Variants in PIGK observed in about 807,000 individuals in gnomAD.
PIGK encodes the protein phosphatidylinositol glycan anchor biosynthesis class K, also known as GPI-anchor transamidase.
A neutral mutation model predicts 50.6 loss-of-function variants in PIGK; 42 were observed. The observed-to-expected ratio is 0.83, with a 90% CI of 0.65 to 1.07. The LOEUF (loss-of-function observed/expected upper bound fraction) is 1.07, where lower values mean the gene tolerates loss of function less well. PIGK is among the 50% of genes least tolerant of loss of function. The pLI is 0.00. For missense variants in PIGK, 448 were observed against 488.7 expected (o/e 0.92, Z 0.78); for synonymous variants, 151 against 156.0 (o/e 0.97, Z 0.24).
intron 3 of PIGK, among the ~76,000 whole-genome samples, chr1:77,200,986 C>A (rs1030148364): frequency 6.6e-6 from 1 of 152,100 alleles, no homozygotes; most frequent in Non-Finnish European, 1.5e-5. Flanking sequence ...TGTTATTGAA[C>A]AGAAAGCCAC....
chr1:77,129,587 T>C, intron 9 of PIGK: 1 of 1,520,728 alleles, frequency 6.6e-7, no homozygotes, highest in Non-Finnish European at 9.0e-7. Flanking sequence ...AGATTGTTCC[T>C]AAACCAGAAG....
intron 9 of PIGK, among the ~76,000 whole-genome samples, chr1:77,135,991 G>A (rs1276753731): frequency 6.6e-5 from 10 of 151,910 alleles, no homozygotes; most frequent in African/African-American, 2.4e-4. Flanking sequence ...TTATTACAGC[G>A]TTCCTATTTA....
intron 3 of PIGK, among the ~76,000 whole-genome samples, chr1:77,177,103 C>G (rs1316702218): frequency 6.6e-6 from 1 of 152,170 alleles, no homozygotes; most frequent in Non-Finnish European, 1.5e-5. Context: ...TGCATGTTTT[C>G]TGGTTGTATA....
chr1:77,162,289 A>C (rs1655146618), intron 6 of PIGK, among the ~76,000 whole-genome samples: 1 of 152,206 alleles, frequency 6.6e-6, no homozygotes, highest in Non-Finnish European at 1.5e-5. Context: ...AAAGAAAAGC[A>C]GATCAGAGAA....
At chr1:77,162,414 C>A in intron 6 of PIGK, among the ~76,000 whole-genome samples, 1 of 152,112 alleles carries the variant, frequency 6.6e-6, no homozygotes, top group Non-Finnish European at 1.5e-5. Flanking sequence ...TGCTTGGGAA[C>A]AGATCTGTGT....
intron 3 of PIGK, among the ~76,000 whole-genome samples, chr1:77,185,108 A>T (rs915262745): frequency 6.6e-6 from 1 of 152,322 alleles, no homozygotes. Flanking sequence ...ATCTCCTGGT[A>T]CCTGGTATGT....
chr1:77,108,585 C>T (rs1467937632), intron 10 of PIGK, among the ~76,000 whole-genome samples: 1 of 151,990 alleles, frequency 6.6e-6, no homozygotes, highest in Admixed American at 6.6e-5. Context: ...TTGCTCTTCT[C>T]GAGGAGTATC....
chr1:77,198,899 A>C (rs1656093187), intron 3 of PIGK, among the ~76,000 whole-genome samples: 1 of 152,102 alleles, frequency 6.6e-6, no homozygotes, highest in South Asian at 2.1e-4. Flanking sequence ...TGGAAGAACA[A>C]GACCTAAGAA....
chr1:77,116,597 C>CGT (rs1451998373), intron 10 of PIGK, among the ~76,000 whole-genome samples: 518 of 49,348 alleles, frequency 0.01, 4 homozygotes, highest in African/African-American at 0.059. Flanking sequence ...TGTGTGTGTG[C>CGT]GCGTGTGTGT....
Position 77,217,640 on chromosome 1 carries a change from AAAC to A in PIGK, c.93+1667_93+1669del, listed in dbSNP as rs573485037. Among the ~76,000 whole-genome samples, 287 of 152,286 alleles carry A rather than the reference AAAC, an allele frequency of 1.9e-3. 1 individual carries two copies. Among genetic ancestry groups the A allele is most frequent in the African/African-American group, 6.5e-3 (269 of 41,540 alleles). The stretch of plus-strand genomic sequence containing the variant: ...ATTTGGAGAACAGATTGAAAGGAAA[AAAC>A]AACGACTCAAGGCAAAACATTTAGG... On this transcript the variant is annotated intron_variant, in intron 1 of 10. Coordinates refer to ENST00000370812, the MANE Select transcript of PIGK (RefSeq NM_005482.3).
intron 10 of PIGK, among the ~76,000 whole-genome samples, chr1:77,109,449 T>A (rs1047126171): frequency 1.3e-5 from 2 of 152,198 alleles, no homozygotes; most frequent in Non-Finnish European, 2.9e-5. Context: ...GCAAGGCTGG[T>A]TCAATGTTCG....
At chr1:77,196,705 T>A (rs1379264933) in intron 3 of PIGK, among the ~76,000 whole-genome samples, 2 of 152,198 alleles carry the variant, frequency 1.3e-5, no homozygotes, top group African/African-American at 4.8e-5. Context: ...TCCTTATAGA[T>A]TCTAGAAATT....
At chr1:77,153,892 T>C (rs528579150) in intron 9 of PIGK, 1 of 152,552 alleles carries the variant, frequency 6.6e-6, no homozygotes, top group Admixed American at 6.5e-5. Flanking sequence ...AAAGTAGCTA[T>C]TGACTGACCC....
At chr1:77,196,751 C>T (rs961433751) in intron 3 of PIGK, among the ~76,000 whole-genome samples, 2 of 152,038 alleles carry the variant, frequency 1.3e-5, no homozygotes, top group African/African-American at 4.8e-5. Flanking sequence ...TAAATATTTT[C>T]TCCCACTCTG....
chr1:77,105,207 A>G (rs1431773462), intron 10 of PIGK, among the ~76,000 whole-genome samples: 1 of 152,094 alleles, frequency 6.6e-6, no homozygotes, highest in African/African-American at 2.4e-5. Flanking sequence ...TCTTAAGTTC[A>G]GCCGTCTCCC....
intron 10 of PIGK, among the ~76,000 whole-genome samples, chr1:77,119,663 A>G (rs1425079941): frequency 1.3e-5 from 2 of 152,192 alleles, no homozygotes; most frequent in East Asian, 1.9e-4. Flanking sequence ...ATCACACACA[A>G]TAAATGAATT....
At chr1:77,135,535 C>T (rs1159875981) in intron 9 of PIGK, among the ~76,000 whole-genome samples, 1 of 151,692 alleles carries the variant, frequency 6.6e-6, no homozygotes, top group African/African-American at 2.4e-5. Flanking sequence ...TGTAGTTATG[C>T]CTCTTTTTAT....
At chr1:77,195,742 T>C (rs1570256454) in intron 3 of PIGK, among the ~76,000 whole-genome samples, 2 of 152,120 alleles carry the variant, frequency 1.3e-5, no homozygotes, top group African/African-American at 4.8e-5. Flanking sequence ...CTTACAAACA[T>C]CTACTTTTTA....
At chr1:77,212,162 C>T (rs1267187640) in intron 1 of PIGK, among the ~76,000 whole-genome samples, 1 of 152,016 alleles carries the variant, frequency 6.6e-6, no homozygotes, top group Non-Finnish European at 1.5e-5. Context: ...ATCCTGACAC[C>T]TAATGAACAT....
Sources: allele counts gnomAD v4.1 joint callset (sites outside exome capture counted in the v4.1 genomes callset), GRCh38; gene constraint gnomAD v4.1.1; transcripts MANE v1.5; gene names NCBI Gene and HGNC (gene_info 2026-07-23, HGNC 2026-07-21).